DCHS2: variants seen among roughly 807,000 people sequenced by gnomAD.
DCHS2 encodes dachsous cadherin-related 2, also known as protocadherin-23.
In DCHS2, 142 loss-of-function variants were observed where a neutral mutation model predicts 182.4. The ratio of observed to expected loss-of-function variants is 0.78; its 90% CI spans 0.68 to 0.89. DCHS2 has a LOEUF of 0.89. Among genes scored for constraint, DCHS2 ranks in the 40% least tolerant of loss-of-function variants. The pLI is 0.00. For missense variants in DCHS2, 4,319 were observed against 4,198.6 expected (o/e 1.03, Z -0.79); for synonymous variants, 1,740 against 1,663.3 (o/e 1.05, Z -1.12).
In DCHS2 at chr4:154,308,214, A is replaced by G. The variant is rs1275998844; in HGVS notation, c.5261-2983T>C. Among the ~76,000 whole-genome samples, 3 of 151,860 alleles carry G rather than the reference A, an allele frequency of 2.0e-5. No individual in the cohort carries two copies. In the East Asian group the frequency reaches 5.8e-4, roughly 29 times the overall value. On this transcript the variant is annotated intron_variant, in intron 10 of 19. Coordinates refer to ENST00000357232, the MANE Select transcript of DCHS2 (RefSeq NM_001358235.2). ...ACTGGCCATTTCTAGTTCTTACCTA[A>G]CTTGTCTTCTCTGTGGCATCATATA...
intron 3 of DCHS2, among the ~76,000 whole-genome samples, chr4:154,337,066 T>C (rs1329081818): frequency 6.6e-6 from 1 of 152,238 alleles, no homozygotes; most frequent in Non-Finnish European, 1.5e-5. Flanking sequence ...ACTGATTTGA[T>C]GGTCCATCAA....
At chr4:154,342,801 T>C (rs962911307) in intron 3 of DCHS2, among the ~76,000 whole-genome samples, 1 of 152,084 alleles carries the variant, frequency 6.6e-6, no homozygotes, top group African/African-American at 2.4e-5. Context: ...TATGTTAACC[T>C]CCCTCCATGA....
Position 154,298,094 on chromosome 4 carries a change from C to T in DCHS2, c.6220G>A (p.Val2074Ile), listed in dbSNP as rs1735025364. 1 of 1,613,990 alleles carries T rather than the reference C, an allele frequency of 6.2e-7. No homozygotes were observed. The highest frequency in any genetic ancestry group is 1.7e-5 in the Admixed American group (1 of 59,982). ...DLDLGPNGTV[V>I]FSFAETQSMF... ...GACTGGGTCTCTGCAAAACTAAAAACCACAGTTCCATTGGGCCCCAAGTCC... is the reference window on the plus strand; with the variant it reads ...GACTGGGTCTCTGCAAAACTAAAAATCACAGTTCCATTGGGCCCCAAGTCC... The change falls in exon 13 of 20, where the codon GTT becomes ATT. Residue 2074 changes from valine (V) to isoleucine (I), a missense_variant. Val to Ile is a conservative substitution (Grantham distance 29, BLOSUM62 3). Coordinates refer to ENST00000357232, the MANE Select transcript of DCHS2 (RefSeq NM_001358235.2).
At position 154,377,280 on chromosome 4, in the gene DCHS2, A is replaced by G. The variant is rs754511965; in HGVS notation, c.2217T>C (p.Tyr739=). Residue 739 remains tyrosine (Y), a synonymous_variant, in exon 2 of 20, where the codon TAT becomes TAC. Coordinates refer to ENST00000357232, the MANE Select transcript of DCHS2 (RefSeq NM_001358235.2). The stretch of plus-strand genomic sequence containing the variant: ...CATCCTTAGCTTCCACCAGGAGATC[A>G]TAGGTAGCTGGATCCCTTTCCCTGT... ...DIDRERDPAT[Y]DLLVEAKDGG... 2 of 1,613,176 alleles carry G rather than the reference A, an allele frequency of 1.2e-6. No individual in the cohort carries two copies. The highest frequency in any genetic ancestry group is 1.7e-6 in the Non-Finnish European group (2 of 1,179,474).
chr4:154,416,331 T>C (rs1732831884), intron 1 of DCHS2, among the ~76,000 whole-genome samples: 1 of 152,184 alleles, frequency 6.6e-6, no homozygotes, highest in South Asian at 2.1e-4. Context: ...GGGACGCAGT[T>C]GACCTCACAG....
intron 16 of DCHS2, among the ~76,000 whole-genome samples, chr4:154,250,988 C>T (rs1014190357): frequency 1.3e-5 from 2 of 152,172 alleles, no homozygotes; most frequent in African/African-American, 2.4e-5. Context: ...ACATACCAAA[C>T]ACTTTCACGT....
intron 1 of DCHS2, among the ~76,000 whole-genome samples, chr4:154,463,890 T>C (rs909159094): frequency 2.0e-5 from 3 of 152,166 alleles, no homozygotes; most frequent in African/African-American, 7.2e-5. Context: ...TTTACTTCTT[T>C]ACTAAAAAAC....
Position 154,489,530 on chromosome 4 carries a change from T to G in DCHS2, c.1826A>C (p.Asp609Ala). Residue 609 changes from aspartate to alanine, a missense_variant, in exon 1 of 20, where the codon GAT becomes GCT. Physicochemically the swap from Asp to Ala is moderately radical, Grantham distance 126. Transcript: ENST00000357232. ...AGTGCTGATCGCACCGCTTTCGGAA[T>G]CAATGGCAAAAGATGGTCCACACTC... ...TAECGPSFAI[D>A]SESGAISTIR... 1 of 1,551,646 alleles carries G rather than the reference T, an allele frequency of 6.4e-7. No homozygotes were observed. The highest frequency in any genetic ancestry group is 8.7e-7 in the Non-Finnish European group (1 of 1,146,980).
intron 16 of DCHS2, among the ~76,000 whole-genome samples, chr4:154,251,544 G>A (rs1190679517): frequency 2.0e-5 from 3 of 152,102 alleles, no homozygotes; most frequent in Non-Finnish European, 4.4e-5. Flanking sequence ...TTGAGACAAA[G>A]TCTCACTCTT....
At chr4:154,365,445 T>C (rs1730302998) in intron 3 of DCHS2, among the ~76,000 whole-genome samples, 2 of 152,096 alleles carry the variant, frequency 1.3e-5, no homozygotes, top group Admixed American at 1.3e-4. Context: ...ACAAAAACTT[T>C]GCAACATAGA....
chr4:154,325,316 C>CGTGTGTGTGTGTGTGTGTGTGT (rs75589397), intron 7 of DCHS2, among the ~76,000 whole-genome samples: 1 of 142,660 alleles, frequency 7.0e-6, no homozygotes, highest in African/African-American at 2.6e-5. Flanking sequence ...GGATTATAGC[C>CGTGTGTGTGTGTGTGTGTGTGT]GTGTGTGTGT....
At chr4:154,386,091 C>T (rs555939310) in intron 1 of DCHS2, among the ~76,000 whole-genome samples, 1 of 152,208 alleles carries the variant, frequency 6.6e-6, no homozygotes, top group Non-Finnish European at 1.5e-5. Context: ...TTTTAGTGAA[C>T]GATACTACCA....
chr4:154,416,802 T>C (rs1449122417), intron 1 of DCHS2, among the ~76,000 whole-genome samples: 1 of 152,222 alleles, frequency 6.6e-6, no homozygotes, highest in East Asian at 1.9e-4. Flanking sequence ...GGCAGGAAAG[T>C]GTCTGCTCCA....
chr4:154,370,804 C>T (rs548794536), intron 2 of DCHS2, among the ~76,000 whole-genome samples: 19 of 152,182 alleles, frequency 1.2e-4, no homozygotes, highest in South Asian at 4.1e-4. Context: ...GAAAATGCAG[C>T]GTCAGATTTA....
chr4:154,350,464 G>T (rs1307855276), intron 3 of DCHS2, among the ~76,000 whole-genome samples: 1 of 151,936 alleles, frequency 6.6e-6, no homozygotes, highest in Non-Finnish European at 1.5e-5. Context: ...TTTGCCAACT[G>T]ACTACTTTCT....
At chr4:154,386,051 C>T (rs889830912) in intron 1 of DCHS2, among the ~76,000 whole-genome samples, 52 of 152,266 alleles carry the variant, frequency 3.4e-4, no homozygotes, top group African/African-American at 1.2e-3. Context: ...CCACCCCACT[C>T]CACCCCACAG....
At chr4:154,411,452 C>T (rs1732629289) in intron 1 of DCHS2, among the ~76,000 whole-genome samples, 1 of 151,992 alleles carries the variant, frequency 6.6e-6, no homozygotes, top group Admixed American at 6.6e-5. Context: ...CAAAAATTAG[C>T]CAGGTGTGGT....
Position 154,240,694 on chromosome 4 carries a change from A to G in DCHS2, c.7202T>C (p.Val2401Ala). Residue 2401 changes from valine to alanine, a missense_variant, in exon 18 of 20, where the codon GTG (valine) becomes GCG (alanine). Val to Ala is a moderately conservative substitution (Grantham distance 64). Coordinates refer to ENST00000357232, the MANE Select transcript of DCHS2 (RefSeq NM_001358235.2). ...ATCCAATGTTTTCACCAACACCACCACTCCAGTGTTCTGATCAATAGCAAA... is the reference window on the plus strand; with the variant it reads ...ATCCAATGTTTTCACCAACACCACCGCTCCAGTGTTCTGATCAATAGCAAA... ...TKFAIDQNTG[V>A]VVLVKTLDFE... The G allele has an allele frequency of 2.5e-6, 4 of 1,613,594 alleles. No individual in the cohort carries two copies. In the East Asian group the frequency reaches 8.9e-5, roughly 36 times the overall value.
chr4:154,487,720 C>G (rs186521414), intron 1 of DCHS2, among the ~76,000 whole-genome samples: 9 of 152,260 alleles, frequency 5.9e-5, no homozygotes, highest in Admixed American at 3.9e-4. Flanking sequence ...TAACTGAGAA[C>G]CAGAAAGTAA....
Sources: gnomAD v4.1 joint callset for allele counts (sites outside exome capture counted in the v4.1 genomes callset) on GRCh38, gnomAD v4.1.1 for gene constraint, MANE v1.5 for transcripts, NCBI Gene and HGNC (gene_info 2026-07-23, HGNC 2026-07-21) for gene names.